The following ZDHHC2 variants were observed in gnomAD, a reference collection of about 807,000 sequenced individuals.
ZDHHC2 encodes palmitoyltransferase ZDHHC2.
A neutral mutation model predicts 55.6 loss-of-function variants in ZDHHC2; 51 were observed. That is an observed-to-expected ratio of 0.92 (90% confidence interval 0.73 to 1.16). The LOEUF (loss-of-function observed/expected upper bound fraction) is 1.16, where lower values mean the gene tolerates loss of function less well. Among genes scored for constraint, ZDHHC2 ranks in the 50% most tolerant of loss-of-function variants. ZDHHC2 has a pLI of 0.00. For missense variants in ZDHHC2, 491 were observed against 442.4 expected (o/e 1.11, Z -0.99); for synonymous variants, 199 against 152.9 (o/e 1.30, Z -2.22).
chr8:17,199,000 C>G (rs991324359), intron 6 of ZDHHC2, among the ~76,000 whole-genome samples: 1 of 152,064 alleles, frequency 6.6e-6, no homozygotes, highest in Non-Finnish European at 1.5e-5. Flanking sequence ...CCTTCCTTTT[C>G]CTATAATTTT....
At chr8:17,208,116 G>A (rs745583049) in intron 8 of ZDHHC2, 24 bp downstream of exon 8, 2 of 1,528,214 alleles carry the variant, frequency 1.3e-6, no homozygotes, top group Admixed American at 2.1e-5. Flanking sequence ...TATTGTAGTT[G>A]ACAGAACTTT....
chr8:17,173,094 C>G (rs1284551354), intron 1 of ZDHHC2, among the ~76,000 whole-genome samples: 2 of 152,156 alleles, frequency 1.3e-5, no homozygotes, highest in Non-Finnish European at 2.9e-5. Flanking sequence ...CAGGGAGTGG[C>G]AAGAGTATCA....
At chr8:17,210,630 T>C in intron 10 of ZDHHC2, 150 bp downstream of exon 10, 1 of 636,830 alleles carries the variant, frequency 1.6e-6, no homozygotes, top group Non-Finnish European at 2.6e-6. Flanking sequence ...AAAGAAAGTA[T>C]GATTGAGGAT....
At chr8:17,167,226 G>A (rs190091076) in intron 1 of ZDHHC2, among the ~76,000 whole-genome samples, 26 of 151,980 alleles carry the variant, frequency 1.7e-4, no homozygotes, top group African/African-American at 6.0e-4. Flanking sequence ...TCCTACATGA[G>A]GGGATCATCT....
At chr8:17,188,922 C>T (rs968863822) in intron 3 of ZDHHC2, among the ~76,000 whole-genome samples, 1 of 152,110 alleles carries the variant, frequency 6.6e-6, no homozygotes, top group African/African-American at 2.4e-5. Context: ...TCCTTGGCTA[C>T]TCTTTTTCTC....
At chr8:17,161,785 G>C (rs927947285) in intron 1 of ZDHHC2, among the ~76,000 whole-genome samples, 3 of 150,698 alleles carry the variant, frequency 2.0e-5, no homozygotes, top group Non-Finnish European at 3.0e-5. Flanking sequence ...GCCTGAACCG[G>C]GGAGGCAGAG....
chr8:17,170,749 T>C (rs558411434), intron 1 of ZDHHC2, among the ~76,000 whole-genome samples: 8 of 152,298 alleles, frequency 5.3e-5, no homozygotes, highest in African/African-American at 1.9e-4. Flanking sequence ...AAGAAACTGA[T>C]GTAAGGACAT....
intron 1 of ZDHHC2, among the ~76,000 whole-genome samples, chr8:17,172,995 C>T (rs1249650312): frequency 6.6e-6 from 1 of 152,130 alleles, no homozygotes; most frequent in African/African-American, 2.4e-5. Flanking sequence ...ATTATGTTTG[C>T]AGAGGTTTTA....
At chr8:17,171,141 G>A (rs905442371) in intron 1 of ZDHHC2, among the ~76,000 whole-genome samples, 1 of 152,172 alleles carries the variant, frequency 6.6e-6, no homozygotes, top group Non-Finnish European at 1.5e-5. Flanking sequence ...AATTGGAAAG[G>A]AGGGGGGTGG....
intron 7 of ZDHHC2, 121 bp from the exon 8 acceptor site, chr8:17,207,836 ATTT>A: frequency 6.3e-6 from 5 of 792,372 alleles, no homozygotes; most frequent in Non-Finnish European, 8.5e-6. Flanking sequence ...ATAAAGCCAC[ATTT>A]TTTTATATTA....
chr8:17,210,694 G>T (rs1225859079), intron 10 of ZDHHC2, among the ~76,000 whole-genome samples: 1 of 152,048 alleles, frequency 6.6e-6, no homozygotes, highest in East Asian at 1.9e-4. Context: ...CTAAGTGTGA[G>T]TAAAAAGGTG....
At chr8:17,199,023 A>G (rs1196383597) in intron 6 of ZDHHC2, among the ~76,000 whole-genome samples, 1 of 152,200 alleles carries the variant, frequency 6.6e-6, no homozygotes, top group East Asian at 1.9e-4. Flanking sequence ...ATCTCAGTGT[A>G]GGCATATCTC....
chr8:17,174,390 G>A (rs1011986818), intron 1 of ZDHHC2, among the ~76,000 whole-genome samples: 2 of 152,162 alleles, frequency 1.3e-5, no homozygotes, highest in Non-Finnish European at 2.9e-5. Flanking sequence ...TTATCACGAA[G>A]ACTTGGAATG....
chr8:17,157,790 TAACA>T (rs1306222871), intron 1 of ZDHHC2, among the ~76,000 whole-genome samples: 1 of 152,198 alleles, frequency 6.6e-6, no homozygotes. Context: ...GTGCTCCACC[TAACA>T]AAGTGTCTGT....
intron 12 of ZDHHC2, among the ~76,000 whole-genome samples, chr8:17,218,667 G>C (rs1277072125): frequency 1.3e-5 from 2 of 152,068 alleles, no homozygotes; most frequent in Non-Finnish European, 2.9e-5. Flanking sequence ...ACAGAAACTT[G>C]ATTTTATTAA....
intron 3 of ZDHHC2, among the ~76,000 whole-genome samples, chr8:17,189,787 C>T (rs537410038): frequency 6.3e-4 from 96 of 152,298 alleles, no homozygotes; most frequent in South Asian, 2.3e-3. Context: ...GACATTATAA[C>T]GGTATCAGGC....
chr8:17,156,775 C>T lies in ZDHHC2; in HGVS notation c.52C>T (p.Leu18=). 1 of 1,515,194 alleles carries T rather than the reference C, an allele frequency of 6.6e-7. No homozygotes were observed. Among genetic ancestry groups the T allele is most frequent in the Non-Finnish European group, 8.8e-7 (1 of 1,130,850 alleles). 93.9% of individuals were successfully genotyped at this position (1,515,194 alleles called of 1,614,324 possible). ...SSARRRCRRV[L]YWIPVVFITL... is the part of the protein sequence containing the mutation. ...CGCCAGGCGGCGGTGCCGGCGGGTG[C>T]TGTACTGGATCCCGGTGGTGTTCAT... Residue 18 remains leucine (L), a synonymous_variant, in exon 1 of 13, where the codon CTG becomes TTG. Coordinates refer to ENST00000262096, the MANE Select transcript of ZDHHC2 (RefSeq NM_016353.5).
At chr8:17,197,513 TA>T in intron 4 of ZDHHC2, 68 bp from the exon 5 acceptor site, 1 of 1,323,736 alleles carries the variant, frequency 7.6e-7, no homozygotes, top group Non-Finnish European at 1.1e-6. Flanking sequence ...GGAGAGATGA[TA>T]AAAGCCATTT....
intron 4 of ZDHHC2, among the ~76,000 whole-genome samples, chr8:17,195,873 G>A (rs1002942723): frequency 3.3e-5 from 5 of 152,166 alleles, no homozygotes; most frequent in African/African-American, 1.2e-4. Context: ...ACTTAGTTAT[G>A]ACTCAGTGAA....
Sources: gnomAD v4.1 joint callset for allele counts (sites outside exome capture counted in the v4.1 genomes callset) on GRCh38, gnomAD v4.1.1 for gene constraint, MANE v1.5 for transcripts, NCBI Gene and HGNC (gene_info 2026-07-23, HGNC 2026-07-21) for gene names.